Variants in ADAM9 observed in about 807,000 individuals in gnomAD.
ADAM9 encodes disintegrin and metalloproteinase domain-containing protein 9.
In ADAM9, 54 loss-of-function variants were observed where a neutral mutation model predicts 108.1. That is an observed-to-expected ratio of 0.50 (90% CI 0.40 to 0.63). The LOEUF is 0.63. ADAM9 is among the 20% of genes least tolerant of loss of function. The pLI, the probability that ADAM9 is intolerant of heterozygous loss-of-function variation, is 0.00. For missense variants in ADAM9, 830 were observed against 997.7 expected, an observed-to-expected ratio of 0.83 and a Z score of 2.26; for synonymous variants, 316 against 336.0, an observed-to-expected ratio of 0.94 and a Z score of 0.65.
chr8:39,051,095 A>T (rs529934788), intron 12 of ADAM9, among the ~76,000 whole-genome samples: 1 of 152,092 alleles, frequency 6.6e-6, no homozygotes, highest in Admixed American at 6.5e-5. Flanking sequence ...TGCTAGTTTA[A>T]CCTACTACCT....
intron 12 of ADAM9, among the ~76,000 whole-genome samples, chr8:39,049,661 A>G (rs1353977530): frequency 6.6e-6 from 1 of 151,622 alleles, no homozygotes; most frequent in Non-Finnish European, 1.5e-5. Context: ...CTGGTCTCGA[A>G]CTCCTGACCT....
intron 11 of ADAM9, among the ~76,000 whole-genome samples, chr8:39,028,114 A>G (rs1836981785): frequency 1.3e-5 from 2 of 152,034 alleles, no homozygotes; most frequent in Admixed American, 1.3e-4. Context: ...AAGATTTCAC[A>G]TGGGGAATAT....
chr8:39,008,912 A>G (rs1051307327), intron 2 of ADAM9, among the ~76,000 whole-genome samples: 5 of 152,234 alleles, frequency 3.3e-5, no homozygotes, highest in African/African-American at 1.2e-4. Flanking sequence ...ACTTTATAGA[A>G]GTATAATTAA....
At chr8:39,095,572 T>C (rs1389218962) in intron 20 of ADAM9, among the ~76,000 whole-genome samples, 1 of 152,210 alleles carries the variant, frequency 6.6e-6, no homozygotes, top group Admixed American at 6.5e-5. Context: ...TGGAGAATGT[T>C]CTGTGTGCGT....
intron 12 of ADAM9, among the ~76,000 whole-genome samples, chr8:39,047,533 G>A (rs1022738044): frequency 1.1e-4 from 16 of 151,894 alleles, no homozygotes; most frequent in African/African-American, 3.6e-4. Context: ...TGGGATGTGT[G>A]TTTCTAGGAA....
intron 18 of ADAM9, among the ~76,000 whole-genome samples, chr8:39,084,674 A>G (rs911516161): frequency 6.6e-6 from 1 of 151,804 alleles, no homozygotes; most frequent in African/African-American, 2.4e-5. Flanking sequence ...GTATTCTACT[A>G]TTCTTAGGTG....
At chr8:39,025,698 A>G (rs898277139) in intron 9 of ADAM9, 105 bp from the exon 10 acceptor site, 17 of 1,069,510 alleles carry the variant, frequency 1.6e-5, no homozygotes, top group South Asian at 4.0e-5. Context: ...TTTTCCTGCC[A>G]TGTTTTGTAG....
chr8:39,074,276 A>G (rs1198462279), intron 15 of ADAM9, among the ~76,000 whole-genome samples: 1 of 152,214 alleles, frequency 6.6e-6, no homozygotes, highest in Non-Finnish European at 1.5e-5. Flanking sequence ...ATATACATTT[A>G]TAAACATAAG....
chr8:39,054,373 A>G, intron 12 of ADAM9, 108 bp from the exon 13 acceptor site: 1 of 975,928 alleles, frequency 1.0e-6, no homozygotes, highest in Non-Finnish European at 1.6e-6. Context: ...GGTAACTGCT[A>G]CAATCATGTT....
chr8:39,104,572 T>C lies in ADAM9; in HGVS notation c.*872T>C, dbSNP rs2129443724. ...ATAAAATCTTCAATCAATTGAACTT[T>C]TACAAAACCACTTGAGAATTTCATG... is the stretch of plus-strand genomic sequence containing the variant. On this transcript the variant is annotated 3_prime_UTR_variant, in exon 22 of 22. Coordinates refer to ENST00000487273, the MANE Select transcript of ADAM9 (RefSeq NM_003816.3). 2 of 406,734 alleles carry C rather than the reference T, an allele frequency of 4.9e-6. No individual in the cohort carries two copies. Among genetic ancestry groups the C allele is most frequent in the Non-Finnish European group, 9.6e-6 (2 of 208,958 alleles). 25.2% of individuals were successfully genotyped at this position (406,734 alleles called of 1,614,324 possible). A position where few individuals can be genotyped will look rare whatever the true frequency, so the allele number is the denominator to read the frequency against.
rs1839770046 is a variant in ADAM9 at position 39,103,638 on chromosome 8, C to A, written c.2398C>A (p.Gln800Lys). 13 of 1,614,148 alleles carry A rather than the reference C, an allele frequency of 8.1e-6. No individual in the cohort carries two copies. Among genetic ancestry groups the A allele is most frequent in the Non-Finnish European group, 1.0e-5 (12 of 1,180,004 alleles). ...PPPPQPKVSS[Q>K]GNLIPARPAP... Reference sequence around the variant, plus strand: ...TCCACCACAACCGAAAGTATCATCTCAGGGAAACTTAATTCCTGCCCGTCC... The same window carrying A: ...TCCACCACAACCGAAAGTATCATCTAAGGGAAACTTAATTCCTGCCCGTCC... Residue 800 changes from glutamine (Q) to lysine (K), a missense_variant, in exon 22 of 22, where the codon CAG (glutamine) becomes AAG (lysine). Physicochemically the swap from Gln to Lys is moderately conservative, Grantham distance 53. Transcript: ENST00000487273.
intron 12 of ADAM9, among the ~76,000 whole-genome samples, chr8:39,045,344 ATGTGTGTACATACATATAGG>A (rs1292261214): frequency 1.6e-5 from 2 of 122,848 alleles, no homozygotes; most frequent in South Asian, 2.4e-4. Context: ...ACACCTATAC[ATGTGTGTACATACATATAGG>A]TGTGTGTACA....
At chr8:39,025,683 TGCC>T in intron 9 of ADAM9, 117 bp from the exon 10 acceptor site, 4 of 872,244 alleles carry the variant, frequency 4.6e-6, no homozygotes, top group Admixed American at 2.3e-5. Context: ...TTTTTTTTTT[TGCC>T]ATTTTCCTGC....
At chr8:39,059,643 C>G (rs1247169864) in intron 14 of ADAM9, among the ~76,000 whole-genome samples, 1 of 152,230 alleles carries the variant, frequency 6.6e-6, no homozygotes, top group African/African-American at 2.4e-5. Context: ...GCCCTACAAC[C>G]CAGTCATGGG....
intron 20 of ADAM9, among the ~76,000 whole-genome samples, chr8:39,100,240 A>G (rs1469568622): frequency 2.0e-5 from 3 of 151,810 alleles, no homozygotes; most frequent in Non-Finnish European, 2.9e-5. Context: ...TTGTAATCCC[A>G]ACACTTTGGG....
chr8:39,001,412 G>A (rs1267951200), intron 1 of ADAM9, among the ~76,000 whole-genome samples: 4 of 152,186 alleles, frequency 2.6e-5, no homozygotes, highest in African/African-American at 9.7e-5. Flanking sequence ...TACTGTACCA[G>A]TGCAGGAAGT....
chr8:39,022,228 C>A (rs752427498), intron 8 of ADAM9, among the ~76,000 whole-genome samples: 4 of 151,956 alleles, frequency 2.6e-5, no homozygotes, highest in African/African-American at 9.7e-5. Flanking sequence ...GAACATTAAA[C>A]GTGATGATGA....
chr8:39,047,922 C>T (rs1366066111), intron 12 of ADAM9, among the ~76,000 whole-genome samples: 1 of 149,814 alleles, frequency 6.7e-6, no homozygotes, highest in East Asian at 2.0e-4. Flanking sequence ...AGCAAGCTTT[C>T]CTTGTATTTT....
chr8:39,050,410 A>G (rs930568482), intron 12 of ADAM9, among the ~76,000 whole-genome samples: 4 of 149,006 alleles, frequency 2.7e-5, no homozygotes, highest in African/African-American at 7.4e-5. Flanking sequence ...TAGTCTCTTG[A>G]TGGTGTCTCA....
Sources: allele counts gnomAD v4.1 joint callset (sites outside exome capture counted in the v4.1 genomes callset), GRCh38; gene constraint gnomAD v4.1.1; transcripts MANE v1.5; gene names NCBI Gene and HGNC (gene_info 2026-07-23, HGNC 2026-07-21).